ZNF532: variants seen among roughly 807,000 people sequenced by gnomAD.
ZNF532 encodes the protein zinc finger protein 532.
In ZNF532, 22 loss-of-function variants were observed where a neutral mutation model predicts 89.3. That is an observed-to-expected ratio of 0.25 (90% CI 0.18 to 0.35). The LOEUF (loss-of-function observed/expected upper bound fraction) is 0.35, where lower values mean the gene tolerates loss of function less well. Ranked by LOEUF, ZNF532 falls within the 10% of genes least tolerant of loss-of-function variation. The pLI is 1.00. For synonymous variants in ZNF532, 606 were observed against 649.6 expected (o/e 0.93, Z 1.02); for missense variants, 1,132 against 1,643.4 (o/e 0.69, Z 5.38).
At chr18:58,917,940 A>G (rs1042282105) in intron 2 of ZNF532, among the ~76,000 whole-genome samples, 2 of 152,230 alleles carry the variant, frequency 1.3e-5, no homozygotes, top group Non-Finnish European at 2.9e-5. Flanking sequence ...GCTTTTTATG[A>G]AAGGGACACA....
At chr18:58,954,170 G>A in intron 7 of ZNF532, 6 of 977,614 alleles carry the variant, frequency 6.1e-6, no homozygotes, top group Non-Finnish European at 7.3e-6. Context: ...GAAAGACAGT[G>A]GAAATGTTGA....
At chr18:58,889,887 A>G (rs1602692299) in intron 2 of ZNF532, among the ~76,000 whole-genome samples, 1 of 151,886 alleles carries the variant, frequency 6.6e-6, no homozygotes, top group Non-Finnish European at 1.5e-5. Flanking sequence ...TTTGAGACCA[A>G]CCTGGCCAAC....
At chr18:58,872,723 C>T (rs1230845818) in intron 2 of ZNF532, among the ~76,000 whole-genome samples, 3 of 142,534 alleles carry the variant, frequency 2.1e-5, no homozygotes, top group East Asian at 2.0e-4. Flanking sequence ...TTTTTGAGAC[C>T]GAGTTTTGCT....
At chr18:58,929,249 AC>A (rs1245170298) in intron 3 of ZNF532, among the ~76,000 whole-genome samples, 2 of 152,162 alleles carry the variant, frequency 1.3e-5, no homozygotes, top group African/African-American at 2.4e-5. Flanking sequence ...CTTCCGAGTC[AC>A]CTTCAAGAGT....
chr18:58,947,905 G>A (rs1257219501), intron 5 of ZNF532, among the ~76,000 whole-genome samples, 162 bp from the exon 6 acceptor site: 1 of 152,180 alleles, frequency 6.6e-6, no homozygotes, highest in African/African-American at 2.4e-5. Flanking sequence ...AGTAATGCCA[G>A]TTGTCTTCAA....
chr18:58,919,883 G>C lies in ZNF532; in HGVS notation c.1596G>C (p.Gln532His), dbSNP rs374529360. 4 of 1,613,884 alleles carry C rather than the reference G, an allele frequency of 2.5e-6. No individual in the cohort carries two copies. In the African/African-American group the frequency reaches 4.0e-5, roughly 16 times the overall value. Reference sequence around the variant, plus strand: ...TTGCCAACCTTAACCTTTTGCCTCAGGGTGCCCAGGCCACCTCTGAACTCC... The same window carrying C: ...TTGCCAACCTTAACCTTTTGCCTCACGGTGCCCAGGCCACCTCTGAACTCC... ...VHLANLNLLP[Q>H]GAQATSELRQ... is the part of the protein sequence containing the mutation. The change falls in exon 3 of 10, where the codon CAG (glutamine) becomes CAC (histidine). Residue 532 changes from glutamine (Q) to histidine (H), a missense_variant. Gln to His is a conservative substitution (Grantham distance 24). Around this residue, in one of 9 missense-constraint regions of ZNF532, gnomAD observed 97 missense variants for 143.7 expected, o/e 0.68. Transcript: ENST00000591808. The surrounding 1 kb of genome is among the most constrained non-coding windows in gnomAD (Gnocchi z 6.1).
At chr18:58,887,029 C>T (rs1373737690) in intron 2 of ZNF532, among the ~76,000 whole-genome samples, 3 of 152,204 alleles carry the variant, frequency 2.0e-5, no homozygotes, top group African/African-American at 7.2e-5. Context: ...TACCAGATAC[C>T]TGCAGGGATG....
Position 58,953,665 on chromosome 18 carries a change from A to G in ZNF532, c.3016A>G (p.Lys1006Glu), listed in dbSNP as rs1246276105. The stretch of plus-strand genomic sequence containing the variant: ...GAATGGGAAAGAGAAATTGGAAAAG[A>G]AATCTCCATCTCCTGTGAAAAAATC... ...SMNGKEKLEKKSPSPVKKSME... is the reference protein window; with the variant it reads ...SMNGKEKLEKESPSPVKKSME... Residue 1006 changes from lysine (K) to glutamate (E), a missense_variant, in exon 7 of 10, where the codon AAA becomes GAA. Physicochemically the swap from Lys to Glu is moderately conservative, Grantham distance 56. Coordinates refer to ENST00000591808, the MANE Select transcript of ZNF532 (RefSeq NM_001375912.1). 2 of 1,614,032 alleles carry G rather than the reference A, an allele frequency of 1.2e-6. No individual in the cohort carries two copies. Among genetic ancestry groups the G allele is most frequent in the Admixed American group, 3.3e-5 (2 of 60,022 alleles).
chr18:58,951,667 T>TTTTTTTTTG (rs2064197810), intron 6 of ZNF532, among the ~76,000 whole-genome samples: 1 of 148,352 alleles, frequency 6.7e-6, no homozygotes, highest in Non-Finnish European at 1.5e-5. Context: ...TTTTTTTTTT[T>TTTTTTTTTG]GAGATGGAGT....
At chr18:58,950,434 A>G (rs2146963142) in intron 6 of ZNF532, among the ~76,000 whole-genome samples, 1 of 151,652 alleles carries the variant, frequency 6.6e-6, no homozygotes, top group Middle Eastern at 3.4e-3. Context: ...TCCTGCATTT[A>G]TATGTTTGGG....
At chr18:58,979,011 A>C in intron 7 of ZNF532, 44 bp from the exon 8 acceptor site, 1 of 1,459,284 alleles carries the variant, frequency 6.9e-7, no homozygotes, top group Non-Finnish European at 9.6e-7. Flanking sequence ...GTTTGAGTGC[A>C]TCTATTTTCA....
At chr18:58,944,742 A>T (rs190456917) in intron 5 of ZNF532, among the ~76,000 whole-genome samples, 7 of 150,256 alleles carry the variant, frequency 4.7e-5, no homozygotes, top group African/African-American at 1.7e-4. Flanking sequence ...TTTGGACTTT[A>T]AAAAAAAAAT....
At chr18:58,902,238 G>A (rs998609740) in intron 2 of ZNF532, among the ~76,000 whole-genome samples, 3 of 152,172 alleles carry the variant, frequency 2.0e-5, no homozygotes, top group African/African-American at 7.2e-5. Context: ...TTAGACGGGG[G>A]CGGTTAAGAT....
Position 58,879,222 on chromosome 18 carries a change from C to T in ZNF532, c.-18+13643C>T, listed in dbSNP as rs566692716. Among the ~76,000 whole-genome samples, 7 of 152,248 alleles carry T rather than the reference C, an allele frequency of 4.6e-5. No homozygotes were observed. In the East Asian group the frequency reaches 5.8e-4, roughly 13 times the overall value. On this transcript the variant is annotated intron_variant, in intron 2 of 9. Coordinates refer to ENST00000591808, the MANE Select transcript of ZNF532 (RefSeq NM_001375912.1). ...TAGCGTCTCTTGTGTCTGGCCAAGGCGTTCCTCATTGTAAAATGCGATGCT... is the reference window on the plus strand; with the variant it reads ...TAGCGTCTCTTGTGTCTGGCCAAGGTGTTCCTCATTGTAAAATGCGATGCT...
rs187104895 is a variant in ZNF532 at position 58,963,204 on chromosome 18, G to A, written c.3150+9405G>A. The stretch of plus-strand genomic sequence containing the variant: ...GTAAGTCTGTTCAATATAATTTAAA[G>A]CCTGATTATAAATGATTTTAGGATG... On this transcript the variant is annotated intron_variant, in intron 7 of 9. Transcript: ENST00000591808. Among the ~76,000 whole-genome samples, 830 of 152,290 alleles carry A rather than the reference G, an allele frequency of 5.5e-3. 4 individuals are homozygous for A. Among genetic ancestry groups the A allele is most frequent in the African/African-American group, 0.019 (789 of 41,564 alleles).
chr18:58,894,197 G>A (rs1335382329), intron 2 of ZNF532, among the ~76,000 whole-genome samples: 1 of 152,176 alleles, frequency 6.6e-6, no homozygotes, highest in Non-Finnish European at 1.5e-5. Context: ...GGGCGTGGTG[G>A]CTCATGCCTG....
At chr18:58,892,977 ACTTT>A (rs2059002027) in intron 2 of ZNF532, among the ~76,000 whole-genome samples, 1 of 144,736 alleles carries the variant, frequency 6.9e-6, no homozygotes, top group Non-Finnish European at 1.5e-5. Context: ...TCTGATTTGT[ACTTT>A]CTTTTTTTTT....
intron 7 of ZNF532, among the ~76,000 whole-genome samples, chr18:58,969,746 ACAG>A (rs1194063075): frequency 6.6e-6 from 1 of 152,168 alleles, no homozygotes; most frequent in African/African-American, 2.4e-5. Context: ...TCTGATAAAA[ACAG>A]CAATTATCTT....
intron 7 of ZNF532, among the ~76,000 whole-genome samples, chr18:58,958,278 C>T (rs1039640140): frequency 3.3e-5 from 5 of 151,984 alleles, no homozygotes; most frequent in South Asian, 2.1e-4. Context: ...TTATTAAAGG[C>T]GTAATCATCT....
Sources: gnomAD v4.1 joint callset for allele counts (sites outside exome capture counted in the v4.1 genomes callset) on GRCh38, gnomAD v4.1.1 for gene constraint, gnomAD v4.1.1 regional missense constraint, Gnocchi (gnomAD v3.1) non-coding constraint, MANE v1.5 for transcripts, NCBI Gene and HGNC (gene_info 2026-07-23, HGNC 2026-07-21) for gene names.